Variants in MIS18A observed in about 807,000 individuals in gnomAD.
The protein encoded by MIS18A is MIS18 kinetochore protein A.
MIS18A carries 14 observed loss-of-function variants against 25.0 expected under a neutral mutation model. The observed-to-expected ratio is 0.56, with a 90% confidence interval of 0.37 to 0.88. The LOEUF (loss-of-function observed/expected upper bound fraction) is 0.88, where lower values mean the gene tolerates loss of function less well. Ranked by LOEUF, MIS18A falls within the 40% of genes least tolerant of loss-of-function variation. The probability of loss-of-function intolerance (pLI) is 0.00; values close to 1 mark genes in which losing one functional copy is unlikely to be tolerated. For missense variants in MIS18A, 292 were observed against 290.8 expected (o/e 1.00, Z -0.03); for synonymous variants, 134 against 118.6 (o/e 1.13, Z -0.84).
In MIS18A at chr21:32,269,135, T is replaced by C. The variant is rs2031666285; in HGVS notation, c.622-18A>G. 2.6e-6 allele frequency: 4 copies of C among 1,523,132 alleles called. No individual in the cohort carries two copies. Among genetic ancestry groups the C allele is most frequent in the Non-Finnish European group, 3.6e-6 (4 of 1,119,540 alleles). The allele number at this position is 1,523,132 out of a possible 1,614,324, so 94.4% of individuals were successfully genotyped here. On this transcript the variant is annotated intron_variant, in intron 4 of 4. Transcript: ENST00000290130. ...TCTTCCATCTATTGAATTTAAAAAA[T>C]AAAAAAATAAAGAAACACACATATA...
the MIS18A span, among the ~76,000 whole-genome samples, chr21:32,258,875 TTTAC>T: frequency 0.26 from 25,705 of 99,626 alleles, 2,840 homozygotes; most frequent in East Asian, 0.34. Flanking sequence ...TATTTATTTA[TTTAC>T]TTACTTACTT....
Position 32,274,568 on chromosome 21 carries a change from T to C in MIS18A, c.401+262A>G, listed in dbSNP as rs568389164. Among the ~76,000 whole-genome samples the C allele has an allele frequency of 2.0e-5, 3 of 152,322 alleles. No individual in the cohort carries two copies. The East Asian group carries it at 5.8e-4, about 29-fold the overall frequency. ...CAAGCCCAAAGATCCAAAAAGGGAA[T>C]GTCAGCATATGCTTTTAGAAATCTA... is the stretch of plus-strand genomic sequence containing the variant. On this transcript the variant is annotated intron_variant, in intron 2 of 4. Coordinates refer to ENST00000290130, the MANE Select transcript of MIS18A (RefSeq NM_018944.3).
chr21:32,245,300 T>A, the MIS18A span, among the ~76,000 whole-genome samples: 1 of 152,190 alleles, frequency 6.6e-6, no homozygotes, highest in Admixed American at 6.5e-5. Context: ...GATAAATACC[T>A]GAAGTGTTCC....
At chr21:32,189,753 T>G in the MIS18A span, among the ~76,000 whole-genome samples, 1 of 152,318 alleles carries the variant, frequency 6.6e-6, no homozygotes, top group South Asian at 2.1e-4. Flanking sequence ...CAGGCAGTCC[T>G]CCTAGATCAC....
chr21:32,226,822 G>A, the MIS18A span, among the ~76,000 whole-genome samples: 13 of 152,114 alleles, frequency 8.5e-5, no homozygotes, highest in South Asian at 1.2e-3. Context: ...TATTTTCTAG[G>A]ATAAACTATA....
chr21:32,211,089 G>A, the MIS18A span, among the ~76,000 whole-genome samples: 3 of 152,152 alleles, frequency 2.0e-5, no homozygotes, highest in African/African-American at 7.2e-5. Context: ...CGCCCAGGCT[G>A]GAGGGCAGTG....
the MIS18A span, among the ~76,000 whole-genome samples, chr21:32,257,078 G>A: frequency 1.3e-5 from 2 of 152,132 alleles, no homozygotes; most frequent in African/African-American, 2.4e-5. Context: ...CTGGCATCAC[G>A]GGACTTGGCT....
the MIS18A span, among the ~76,000 whole-genome samples, chr21:32,255,871 A>T: frequency 1.3e-5 from 2 of 151,656 alleles, no homozygotes; most frequent in East Asian, 4.0e-4. Context: ...AGCCTGGGTG[A>T]CAGAGCGAGA....
chr21:32,258,077 A>T, the MIS18A span, among the ~76,000 whole-genome samples: 1 of 152,168 alleles, frequency 6.6e-6, no homozygotes, highest in Non-Finnish European at 1.5e-5. Context: ...GTGATCAGAA[A>T]TGTCCTTATT....
the MIS18A span, among the ~76,000 whole-genome samples, chr21:32,181,177 T>C: frequency 6.6e-6 from 1 of 152,160 alleles, no homozygotes. Context: ...CCTGACTGCC[T>C]GAGCTGGAAC....
intron 2 of MIS18A, among the ~76,000 whole-genome samples, chr21:32,272,806 A>C (rs1275465142): frequency 6.6e-6 from 1 of 152,208 alleles, no homozygotes; most frequent in Admixed American, 6.5e-5. Flanking sequence ...CCTGGTACAC[A>C]AATAGGACAA....
chr21:32,268,969 C>A lies in MIS18A; in HGVS notation c.*68G>T. ...TTTTTTTTGTAGAGACGACGTCTCA[C>A]TATGTTGCTTCATTTAACAAATAAG... On this transcript the variant is annotated 3_prime_UTR_variant, in exon 5 of 5. Transcript: ENST00000290130. The A allele has an allele frequency of 9.3e-7, 1 of 1,076,180 alleles. No individual in the cohort carries two copies. Among genetic ancestry groups the A allele is most frequent in the South Asian group, 1.7e-5 (1 of 60,180 alleles). 66.7% of individuals were successfully genotyped at this position (1,076,180 alleles called of 1,614,324 possible). A position where few individuals can be genotyped will look rare whatever the true frequency, so the allele number is the denominator to read the frequency against.
the MIS18A span, among the ~76,000 whole-genome samples, chr21:32,165,835 G>T: frequency 6.6e-6 from 1 of 151,828 alleles, no homozygotes. Flanking sequence ...CTGGGCCCTT[G>T]TTGGGATTTT....
the MIS18A span, among the ~76,000 whole-genome samples, chr21:32,176,688 A>T: frequency 2.6e-5 from 4 of 152,164 alleles, no homozygotes; most frequent in Non-Finnish European, 5.9e-5. Context: ...AACATAAAAC[A>T]AGAGAAAGTG....
At chr21:32,165,789 TA>T in the MIS18A span, among the ~76,000 whole-genome samples, 1 of 152,106 alleles carries the variant, frequency 6.6e-6, no homozygotes, top group African/African-American at 2.4e-5. Context: ...AAGAGGTGAA[TA>T]AGCACACTTT....
the MIS18A span, among the ~76,000 whole-genome samples, chr21:32,229,064 G>A: frequency 3.3e-5 from 5 of 151,918 alleles, no homozygotes; most frequent in African/African-American, 1.2e-4. Flanking sequence ...TGTATTAAAT[G>A]TATCTTTTCC....
At chr21:32,277,501 G>A (rs1569016939) in intron 1 of MIS18A, among the ~76,000 whole-genome samples, 1 of 152,068 alleles carries the variant, frequency 6.6e-6, no homozygotes, top group African/African-American at 2.4e-5. Flanking sequence ...TCTCCAGGCT[G>A]GAGTGCAGTG....
At chr21:32,241,160 T>C in the MIS18A span, among the ~76,000 whole-genome samples, 1 of 152,224 alleles carries the variant, frequency 6.6e-6, no homozygotes, top group African/African-American at 2.4e-5. Context: ...TGGCACTTAC[T>C]TTTTCATAAC....
chr21:32,252,449 G>A, the MIS18A span, among the ~76,000 whole-genome samples: 13 of 152,018 alleles, frequency 8.6e-5, no homozygotes, highest in South Asian at 2.5e-3. Flanking sequence ...GGGAGAGGAG[G>A]AGGAAAAAGA....
Sources: allele counts gnomAD v4.1 joint callset (sites outside exome capture counted in the v4.1 genomes callset), GRCh38; gene constraint gnomAD v4.1.1; transcripts MANE v1.5; gene names NCBI Gene and HGNC (gene_info 2026-07-23, HGNC 2026-07-21).